Variants in KCNK2 observed in about 807,000 individuals in gnomAD.
KCNK2 encodes the protein potassium channel subfamily K member 2.
In KCNK2, 21 loss-of-function variants were observed where a neutral mutation model predicts 40.5. The ratio of observed to expected loss-of-function variants is 0.52; its 90% CI spans 0.37 to 0.75. The LOEUF (loss-of-function observed/expected upper bound fraction) is 0.75, where lower values mean the gene tolerates loss of function less well. KCNK2 is among the 30% of genes least tolerant of loss of function. The probability of loss-of-function intolerance (pLI) is 0.00; values close to 1 mark genes in which losing one functional copy is unlikely to be tolerated. For missense variants in KCNK2, 399 were observed against 531.6 expected, an observed-to-expected ratio of 0.75 and a Z score of 2.45; for synonymous variants, 191 against 202.2, an observed-to-expected ratio of 0.94 and a Z score of 0.47.
At chr1:215,048,381 AGTGG>A (rs1442834021) in intron 1 of KCNK2, among the ~76,000 whole-genome samples, 1 of 152,186 alleles carries the variant, frequency 6.6e-6, no homozygotes, top group Non-Finnish European at 1.5e-5. Context: ...TGAGAACTCC[AGTGG>A]TGTGAGATTA....
chr1:215,229,144 G>A (rs1368091415), intron 6 of KCNK2, among the ~76,000 whole-genome samples: 1 of 151,234 alleles, frequency 6.6e-6, no homozygotes, highest in African/African-American at 2.4e-5. Context: ...TTTCTAATGT[G>A]GCCCAGGGAA....
intron 1 of KCNK2, among the ~76,000 whole-genome samples, chr1:215,012,270 G>A (rs981256845): frequency 1.3e-5 from 2 of 152,042 alleles, no homozygotes; most frequent in Admixed American, 6.6e-5. Flanking sequence ...TCCACCAGCC[G>A]GGTACGAGGG....
At chr1:215,062,722 A>G (rs540299760) in intron 1 of KCNK2, among the ~76,000 whole-genome samples, 34 of 151,948 alleles carry the variant, frequency 2.2e-4, no homozygotes, top group African/African-American at 7.5e-4. Flanking sequence ...AAATAAGACC[A>G]CAGAAGTTTT....
At chr1:215,211,959 C>A (rs1351745311) in intron 6 of KCNK2, among the ~76,000 whole-genome samples, 1 of 151,982 alleles carries the variant, frequency 6.6e-6, no homozygotes, top group East Asian at 1.9e-4. Flanking sequence ...GATATAAAAT[C>A]AAATGACAAT....
At chr1:215,205,489 C>T (rs531667412) in intron 6 of KCNK2, among the ~76,000 whole-genome samples, 9 of 152,236 alleles carry the variant, frequency 5.9e-5, no homozygotes, top group East Asian at 3.9e-4. Context: ...GTGATCCACC[C>T]GCCTCGGCCT....
At chr1:215,162,802 G>A (rs1558119683) in intron 3 of KCNK2, among the ~76,000 whole-genome samples, 1 of 150,882 alleles carries the variant, frequency 6.6e-6, no homozygotes, top group Non-Finnish European at 1.5e-5. Context: ...TTTGGTACCA[G>A]TACCATGCTG....
chr1:215,167,220 T>C (rs1409222832), intron 3 of KCNK2, among the ~76,000 whole-genome samples: 1 of 151,992 alleles, frequency 6.6e-6, no homozygotes, highest in East Asian at 1.9e-4. Context: ...ATACAAAAAT[T>C]GACCATAATA....
rs564798951 is a variant in KCNK2 at position 215,125,758 on chromosome 1, ATATATATATATATATATAT to A, written c.475+1009_475+1027del. Among the ~76,000 whole-genome samples the A allele has an allele frequency of 5.4e-3, 48 of 8,934 alleles. 1 individual carries two copies. The highest frequency in any genetic ancestry group is 0.011 in the Non-Finnish European group (35 of 3,298). The allele number at this position is 8,934 out of a possible 152,430, so 5.9% of individuals were successfully genotyped here. ...ATAATAAATATATATATATATATAT[ATATATATATATATATATAT>A]AAAATAAAATTTGAAAAAAAAAAAA... is the stretch of plus-strand genomic sequence containing the variant. On this transcript the variant is annotated intron_variant, in intron 3 of 6. Coordinates refer to ENST00000444842, the MANE Select transcript of KCNK2 (RefSeq NM_001017425.3).
At chr1:215,039,860 G>T (rs191499302) in intron 1 of KCNK2, among the ~76,000 whole-genome samples, 1 of 152,116 alleles carries the variant, frequency 6.6e-6, no homozygotes, top group Non-Finnish European at 1.5e-5. Context: ...TTGGGACAGA[G>T]GAGGGATGAA....
At chr1:215,080,635 A>G (rs138391726), upstream of KCNK2, among the ~76,000 whole-genome samples, 16 of 152,362 alleles carry the variant, frequency 1.1e-4, no homozygotes, top group East Asian at 5.8e-4. Flanking sequence ...GATATGGTTT[A>G]TGCCCTCACT....
chr1:215,045,929 T>G (rs990091623), intron 1 of KCNK2, among the ~76,000 whole-genome samples: 30 of 140,246 alleles, frequency 2.1e-4, no homozygotes, highest in African/African-American at 7.1e-4. Flanking sequence ...AATTCACCAC[T>G]AGCAAAACAC....
At chr1:215,091,193 A>C (rs1029644631) in intron 2 of KCNK2, among the ~76,000 whole-genome samples, 3 of 152,198 alleles carry the variant, frequency 2.0e-5, no homozygotes, top group African/African-American at 4.8e-5. Flanking sequence ...AAGGTGCCTC[A>C]TAGTGCTCTA....
chr1:215,064,685 G>T (rs1167835969), intron 1 of KCNK2, among the ~76,000 whole-genome samples: 2 of 152,134 alleles, frequency 1.3e-5, no homozygotes, highest in African/African-American at 4.8e-5. Context: ...CCATCTAAGA[G>T]TATCGTCTTC....
intron 1 of KCNK2, among the ~76,000 whole-genome samples, chr1:215,008,864 CT>C (rs562196009): frequency 3.3e-5 from 5 of 150,830 alleles, no homozygotes; most frequent in African/African-American, 7.3e-5. Context: ...AGAATGCATG[CT>C]TTTTTTTTAA....
At chr1:215,078,450 A>T (rs543353224), upstream of KCNK2, among the ~76,000 whole-genome samples, 1 of 152,324 alleles carries the variant, frequency 6.6e-6, no homozygotes, top group African/African-American at 2.4e-5. Flanking sequence ...GGCCTTAGGA[A>T]ACTTACAGTC....
At chr1:215,186,392 T>C (rs1293493514) in intron 5 of KCNK2, among the ~76,000 whole-genome samples, 2 of 152,156 alleles carry the variant, frequency 1.3e-5, no homozygotes, top group African/African-American at 2.4e-5. Flanking sequence ...AGGCCCCATC[T>C]TGAAAAAAAA....
At chr1:215,195,170 C>A in intron 6 of KCNK2, 78 bp downstream of exon 6, 2 of 1,139,390 alleles carry the variant, frequency 1.8e-6, no homozygotes, top group Non-Finnish European at 2.4e-6. Flanking sequence ...TTTATGTTTA[C>A]ATTTAAAATA....
Position 215,083,129 on chromosome 1 carries a change from C to G in KCNK2, c.-257C>G. ...GCGGCGCCCAAGCCCAACTTGGCCT[C>G]CGCCTCGCCCTCTGCCCAGCCCGCC... On this transcript the variant is annotated 5_prime_UTR_variant, in exon 1 of 7. Transcript: ENST00000444842. 2 of 679,088 alleles carry G rather than the reference C, an allele frequency of 2.9e-6. No homozygotes were observed. Among genetic ancestry groups the G allele is most frequent in the Non-Finnish European group, 4.7e-6 (2 of 422,706 alleles). 42.1% of individuals were successfully genotyped at this position (679,088 alleles called of 1,614,324 possible).
chr1:215,086,753 C>A, intron 2 of KCNK2, 75 bp downstream of exon 2: 1 of 1,358,498 alleles, frequency 7.4e-7, no homozygotes, highest in Non-Finnish European at 1.0e-6. Flanking sequence ...CAACTTGTAG[C>A]CCAGTGTATT....
Sources: allele counts gnomAD v4.1 joint callset (sites outside exome capture counted in the v4.1 genomes callset), GRCh38; gene constraint gnomAD v4.1.1; transcripts MANE v1.5; gene names NCBI Gene and HGNC (gene_info 2026-07-23, HGNC 2026-07-21).